The following OXR1 variants were observed in gnomAD, a reference collection of about 807,000 sequenced individuals.
OXR1 encodes oxidation resistance protein 1.
OXR1 carries 41 observed loss-of-function variants against 104.6 expected under a neutral mutation model. The observed-to-expected ratio is 0.39, with a 90% confidence interval of 0.31 to 0.51. The LOEUF (loss-of-function observed/expected upper bound fraction) is 0.51. OXR1 is among the 20% of genes least tolerant of loss of function. The pLI is 0.77. For synonymous variants in OXR1, 348 were observed against 348.4 expected, an observed-to-expected ratio of 1.00 and a Z score of 0.01; for missense variants, 955 against 1,031.9, an observed-to-expected ratio of 0.93 and a Z score of 1.02.
chr8:106,312,707 A>G (rs1018310437), intron 1 of OXR1, among the ~76,000 whole-genome samples: 8 of 152,216 alleles, frequency 5.3e-5, no homozygotes, highest in Non-Finnish European at 8.8e-5. Context: ...GAATGAAAAT[A>G]ACAAATGTCA....
chr8:106,589,514 A>G (rs1480917326), intron 3 of OXR1, among the ~76,000 whole-genome samples: 1 of 152,112 alleles, frequency 6.6e-6, no homozygotes, highest in African/African-American at 2.4e-5. Context: ...TACAAATGCT[A>G]GAGTGACTCA....
At chr8:106,664,612 T>G (rs1199712675) in intron 3 of OXR1, among the ~76,000 whole-genome samples, 1 of 152,208 alleles carries the variant, frequency 6.6e-6, no homozygotes, top group African/African-American at 2.4e-5. Flanking sequence ...GTCTTAAGAG[T>G]ATAATTTAAA....
chr8:106,613,736 A>G (rs1027437790), intron 3 of OXR1, among the ~76,000 whole-genome samples: 2 of 152,194 alleles, frequency 1.3e-5, no homozygotes, highest in Non-Finnish European at 2.9e-5. Flanking sequence ...CATAACTGTC[A>G]GTGTAAGTAG....
chr8:106,687,577 G>T (rs966302949), intron 6 of OXR1, among the ~76,000 whole-genome samples: 2 of 152,006 alleles, frequency 1.3e-5, no homozygotes, highest in African/African-American at 4.8e-5. Context: ...AAAATTAGCC[G>T]GGTGTGGTGG....
At chr8:106,475,091 G>A (rs1467364685) in intron 2 of OXR1, among the ~76,000 whole-genome samples, 1 of 151,850 alleles carries the variant, frequency 6.6e-6, no homozygotes, top group Non-Finnish European at 1.5e-5. Context: ...GGTGACTCTT[G>A]TACAGTTGAC....
chr8:106,525,683 G>A (rs1373122902), intron 3 of OXR1, among the ~76,000 whole-genome samples: 5 of 152,156 alleles, frequency 3.3e-5, no homozygotes, highest in Non-Finnish European at 7.4e-5. Flanking sequence ...GGGGCTCCTC[G>A]GCTAACAGGT....
At chr8:106,574,978 T>C (rs1193910778) in intron 3 of OXR1, among the ~76,000 whole-genome samples, 2 of 152,216 alleles carry the variant, frequency 1.3e-5, no homozygotes, top group East Asian at 1.9e-4. Context: ...ATGGCTTTTC[T>C]CCATGTGACT....
rs1028403656 is a variant in OXR1, at chr8:106,518,952, A to G, written c.33A>G (p.Lys11=). The stretch of plus-strand genomic sequence containing the variant: ...TCTTCTTTACTTGTAGGCTGAAGAA[A>G]AAGTCCCAGTCGGTGGATATTAATG... MSVSNLSWLK[K]KSQSVDINAP... Residue 11 remains lysine (K), a synonymous_variant, in exon 3 of 17, where the codon AAA becomes AAG. Transcript: ENST00000517566. 1 of 1,549,978 alleles carries G rather than the reference A, an allele frequency of 6.5e-7. No individual in the cohort carries two copies.
intron 1 of OXR1, among the ~76,000 whole-genome samples, chr8:106,288,867 A>T (rs911624305): frequency 6.6e-6 from 1 of 151,800 alleles, no homozygotes; most frequent in African/African-American, 2.4e-5. Flanking sequence ...GGGATTCACA[A>T]CTCATTCATT....
chr8:106,657,884 CCT>C (rs1825287178), intron 3 of OXR1: 13 of 1,243,494 alleles, frequency 1.0e-5, no homozygotes, highest in African/African-American at 1.6e-5. Context: ...AGCCGCCTCC[CCT>C]GGGTCAGGTC....
intron 3 of OXR1, among the ~76,000 whole-genome samples, chr8:106,627,267 G>A (rs1378239343): frequency 6.6e-6 from 1 of 152,124 alleles, no homozygotes; most frequent in Non-Finnish European, 1.5e-5. Context: ...TTTGAGAGAA[G>A]AGTAGCCTTC....
chr8:106,655,756 T>C (rs1167274831), intron 3 of OXR1, among the ~76,000 whole-genome samples: 2 of 152,146 alleles, frequency 1.3e-5, no homozygotes, highest in African/African-American at 4.8e-5. Flanking sequence ...TAGAAGGATT[T>C]TAGAGACATT....
intron 2 of OXR1, among the ~76,000 whole-genome samples, chr8:106,489,354 C>G (rs1401776959): frequency 6.6e-6 from 1 of 152,080 alleles, no homozygotes; most frequent in East Asian, 1.9e-4. Flanking sequence ...GGGATAAGCC[C>G]TGAGAGAGCA....
intron 3 of OXR1, among the ~76,000 whole-genome samples, chr8:106,544,074 A>G (rs1815159636): frequency 6.6e-6 from 1 of 152,192 alleles, no homozygotes; most frequent in African/African-American, 2.4e-5. Flanking sequence ...AGCTCCTATA[A>G]GTCTTATGCA....
intron 2 of OXR1, among the ~76,000 whole-genome samples, chr8:106,479,509 A>G (rs1586696446): frequency 6.6e-6 from 1 of 152,016 alleles, no homozygotes; most frequent in Non-Finnish European, 1.5e-5. Context: ...GTATAATTCC[A>G]GAGAGCACTA....
At chr8:106,401,314 CGTT>C (rs1817990474) in intron 2 of OXR1, among the ~76,000 whole-genome samples, 1 of 152,014 alleles carries the variant, frequency 6.6e-6, no homozygotes, top group Non-Finnish European at 1.5e-5. Flanking sequence ...TGGCATATCA[CGTT>C]GAACCATTTG....
At chr8:106,441,654 A>C (rs572888288) in intron 2 of OXR1, among the ~76,000 whole-genome samples, 33 of 152,138 alleles carry the variant, frequency 2.2e-4, no homozygotes, top group Non-Finnish European at 1.5e-5. Flanking sequence ...CTGTATTCCT[A>C]GGTATTTTAT....
chr8:106,629,660 A>G (rs1162291264), intron 3 of OXR1, among the ~76,000 whole-genome samples: 4 of 152,372 alleles, frequency 2.6e-5, no homozygotes, highest in South Asian at 2.1e-4. Context: ...AAATACTTCT[A>G]TAATTTACAT....
At chr8:106,362,059 C>T (rs966685084) in intron 2 of OXR1, among the ~76,000 whole-genome samples, 3 of 152,124 alleles carry the variant, frequency 2.0e-5, no homozygotes, top group Admixed American at 2.0e-4. Context: ...GATCCACCTG[C>T]TAAACACAGA....
Sources: gnomAD v4.1 joint callset for allele counts (sites outside exome capture counted in the v4.1 genomes callset) on GRCh38, gnomAD v4.1.1 for gene constraint, MANE v1.5 for transcripts, NCBI Gene and HGNC (gene_info 2026-07-23, HGNC 2026-07-21) for gene names.